The following TRPA1 variants were observed in gnomAD, a reference collection of about 807,000 sequenced individuals.
TRPA1 encodes transient receptor potential cation channel subfamily A member 1, also known as ankyrin-like with transmembrane domains 1.
Under a neutral mutation model 131.3 loss-of-function variants are expected in TRPA1, and 129 were observed. The ratio of observed to expected loss-of-function variants is 0.98; its 90% CI spans 0.85 to 1.14. TRPA1 has a LOEUF of 1.14. TRPA1 is among the 50% of genes most tolerant of loss of function. The probability of loss-of-function intolerance (pLI) is 0.00; values close to 1 mark genes in which losing one functional copy is unlikely to be tolerated. For missense variants in TRPA1, 1,304 were observed against 1,354.2 expected (o/e 0.96, Z 0.58); for synonymous variants, 441 against 451.7 (o/e 0.98, Z 0.30).
rs1364466814 is a variant in TRPA1, at chr8:72,033,702, G to C, written c.2810C>G (p.Ser937Cys). The change falls in exon 23 of 27, where the codon TCC (serine) becomes TGC (cysteine). Residue 937 changes from serine to cysteine, a missense_variant. Ser to Cys is a moderately radical substitution (Grantham distance 112). Transcript: ENST00000262209. ...TGTGAAGGAAACAAGTTGTGCAAAG[G>C]ACAGAACTGGATGTGCCAATTCATT... is the stretch of plus-strand genomic sequence containing the variant. Reference protein sequence around the residue: ...LRNELAHPVLSFAQLVSFTIF... With the variant: ...LRNELAHPVLCFAQLVSFTIF... 6.2e-7 allele frequency: 1 copy of C among 1,614,070 alleles called. No homozygotes were observed. The highest frequency in any genetic ancestry group is 8.5e-7 in the Non-Finnish European group (1 of 1,179,994).
At chr8:72,061,008 T>C (rs1008938367) in intron 7 of TRPA1, among the ~76,000 whole-genome samples, 1 of 152,102 alleles carries the variant, frequency 6.6e-6, no homozygotes, top group African/African-American at 2.4e-5. Flanking sequence ...CTCAGATACC[T>C]CTTTCACTCA....
chr8:72,038,914 G>A lies in TRPA1; in HGVS notation c.2246C>T (p.Thr749Ile). Residue 749 changes from threonine (T) to isoleucine (I), a missense_variant, in exon 19 of 27, where the codon ACT becomes ATT. Coordinates refer to ENST00000262209, the MANE Select transcript of TRPA1 (RefSeq NM_007332.3). ...NIKPGMAFNSTGIINETSDHS... is the reference protein window; with the variant it reads ...NIKPGMAFNSIGIINETSDHS... ...ATCACTAGTTTCATTGATGATGCCA[G>A]TTGAGTTGAAAGCCATTCCTGGTTT... is the stretch of plus-strand genomic sequence containing the variant. 1 of 1,612,936 alleles carries A rather than the reference G, an allele frequency of 6.2e-7. No individual in the cohort carries two copies. The highest frequency in any genetic ancestry group is 8.5e-7 in the Non-Finnish European group (1 of 1,179,330).
chr8:72,036,479 A>G (rs757305663), intron 20 of TRPA1, 22 bp from the exon 21 acceptor site: 11 of 1,603,778 alleles, frequency 6.9e-6, no homozygotes, highest in Admixed American at 1.7e-5. Context: ...AAGAATAAAA[A>G]ATTACCACAT....
At chr8:72,032,881 T>G (rs13262135) in intron 23 of TRPA1, among the ~76,000 whole-genome samples, 34,113 of 152,034 alleles carry the variant, frequency 0.22, 4,138 homozygotes, top group Middle Eastern at 0.42. Flanking sequence ...CTCAGAGAAA[T>G]TGTGTGGAAT....
intron 3 of TRPA1, among the ~76,000 whole-genome samples, chr8:72,067,675 C>T (rs1299186722): frequency 2.0e-5 from 3 of 152,142 alleles, no homozygotes; most frequent in African/African-American, 2.4e-5. Context: ...CACAGAGCTC[C>T]ATGAGGAAAT....
intron 18 of TRPA1, 124 bp from the exon 19 acceptor site, chr8:72,039,151 A>G (rs1390213543): frequency 1.1e-6 from 1 of 937,040 alleles, no homozygotes; most frequent in Non-Finnish European, 1.7e-6. Flanking sequence ...CTGAAGCTTA[A>G]GATCAAGTAA....
intron 3 of TRPA1, among the ~76,000 whole-genome samples, chr8:72,068,213 T>C (rs1313657097): frequency 6.6e-6 from 1 of 152,226 alleles, no homozygotes; most frequent in Non-Finnish European, 1.5e-5. Flanking sequence ...GGATATTGTT[T>C]CTACCAGAAA....
Position 72,026,064 on chromosome 8 carries a change from G to T in TRPA1, c.2947C>A (p.His983Asn). 1 of 1,613,636 alleles carries T rather than the reference G, an allele frequency of 6.2e-7. No homozygotes were observed. Among genetic ancestry groups the T allele is most frequent in the Non-Finnish European group, 8.5e-7 (1 of 1,179,658 alleles). ...GGCAGCTTCTTCTCTAAGCTGGTATGAAGTTCCACCTAAAGTGCATTTTGG... is the reference window on the plus strand; with the variant it reads ...GGCAGCTTCTTCTCTAAGCTGGTATTAAGTTCCACCTAAAGTGCATTTTGG... ...LKRIAMQVELHTSLEKKLPLW... is the reference protein window; with the variant it reads ...LKRIAMQVELNTSLEKKLPLW... The change falls in exon 25 of 27, where the codon CAT (histidine) becomes AAT (asparagine). Residue 983 changes from histidine to asparagine, a missense_variant. His to Asn is a moderately conservative substitution (Grantham distance 68, BLOSUM62 1). Coordinates refer to ENST00000262209, the MANE Select transcript of TRPA1 (RefSeq NM_007332.3).
At chr8:72,065,778 A>G (rs1805917513) in intron 3 of TRPA1, among the ~76,000 whole-genome samples, 1 of 152,210 alleles carries the variant, frequency 6.6e-6, no homozygotes, top group Admixed American at 6.5e-5. Context: ...ACAACAATCA[A>G]GGCAATACTG....
intron 5 of TRPA1, among the ~76,000 whole-genome samples, 169 bp from the exon 6 acceptor site, chr8:72,063,113 G>A (rs1203571841): frequency 6.6e-6 from 1 of 151,996 alleles, no homozygotes; most frequent in East Asian, 1.9e-4. Flanking sequence ...CGGGTGTGGT[G>A]GCTCACACCT....
intron 20 of TRPA1, among the ~76,000 whole-genome samples, chr8:72,037,671 T>G (rs527801177): frequency 1.2e-3 from 183 of 152,190 alleles, no homozygotes; most frequent in African/African-American, 4.2e-3. Context: ...GTAACCATTA[T>G]GTTAGCAAAA....
rs758533782 is a variant in TRPA1 at position 72,069,192 on chromosome 8, T to C, written c.275A>G (p.His92Arg). 4 of 1,614,096 alleles carry C rather than the reference T, an allele frequency of 2.5e-6. No homozygotes were observed. In the Admixed American group the frequency reaches 5.0e-5, roughly 20 times the overall value. Residue 92 changes from histidine to arginine, a missense_variant, in exon 3 of 27, where the codon CAT becomes CGT. His to Arg is a conservative substitution (Grantham distance 29). Coordinates refer to ENST00000262209, the MANE Select transcript of TRPA1 (RefSeq NM_007332.3). Reference sequence around the variant, plus strand: ...GGTATTTCCATAATCATCCATTTCATGCAGCACTAGAAAAAGAAACCAGAA... The same window carrying C: ...GGTATTTCCATAATCATCCATTTCACGCAGCACTAGAAAAAGAAACCAGAA... ...ITRDSSLEVL[H>R]EMDDYGNTPL...
chr8:72,048,649 T>C (rs988242992), intron 15 of TRPA1, among the ~76,000 whole-genome samples: 54 of 152,102 alleles, frequency 3.6e-4, no homozygotes, highest in Non-Finnish European at 8.8e-5. Flanking sequence ...AAGAGCAACT[T>C]TTCAGAAATG....
Position 72,034,275 on chromosome 8 carries a change from G to A in TRPA1, c.2658C>T (p.Leu886=). 2 of 1,608,472 alleles carry A rather than the reference G, an allele frequency of 1.2e-6. No homozygotes were observed. The highest frequency in any genetic ancestry group is 3.3e-5 in the Admixed American group (2 of 59,736). ...GTAAATTCAGGAGGATGTAAAAGCT[G>A]AGTCCAAAAGCCAGAAGAAGGAAGA... ...VFIFLLLAFG[L]SFYILLNLQD... The change falls in exon 22 of 27, where the codon CTC becomes CTT. Residue 886 remains leucine, a synonymous_variant. Coordinates refer to ENST00000262209, the MANE Select transcript of TRPA1 (RefSeq NM_007332.3).
At chr8:72,071,899 A>G in intron 1 of TRPA1, 32 bp from the exon 2 acceptor site, 1 of 1,601,546 alleles carries the variant, frequency 6.2e-7, no homozygotes, top group African/African-American at 1.3e-5. Flanking sequence ...TATACCAAAC[A>G]AGCATATGCA....
rs145763961 is a variant in TRPA1 at position 72,069,055 on chromosome 8, C to A, written c.412G>T (p.Ala138Ser). The A allele has an allele frequency of 6.4e-5, 104 of 1,614,222 alleles. No homozygotes were observed. The Admixed American group carries it at 6.7e-4, about 10-fold the overall frequency. The change falls in exon 3 of 27, where the codon GCT becomes TCT. Residue 138 changes from alanine to serine, a missense_variant. Transcript: ENST00000262209. ...NFNMMAPLHIAVQGMNNEVMK... is the reference protein window; with the variant it reads ...NFNMMAPLHISVQGMNNEVMK... ...ACCTCATTATTCATGCCCTGCACAG[C>A]TATGTGGAGAGGAGCCATCATGTTG...
rs145554395 is a variant in TRPA1 at position 72,048,030 on chromosome 8, T to A, written c.1906-823A>T. On this transcript the variant is annotated intron_variant, in intron 15 of 26. Coordinates refer to ENST00000262209, the MANE Select transcript of TRPA1 (RefSeq NM_007332.3). ...CATGTGCCAAGCAACACGGAGAGAG[T>A]ATGTGTTTAGAGGGGGGTGGACAGG... 1.2e-3 allele frequency among the ~76,000 whole-genome samples: 177 copies of A among 147,962 alleles called. 3 individuals are homozygous for A. Among genetic ancestry groups the A allele is most frequent in the African/African-American group, 4.2e-3 (168 of 40,214 alleles).
chr8:72,027,819 C>T (rs369640185), intron 24 of TRPA1, among the ~76,000 whole-genome samples: 12 of 152,148 alleles, frequency 7.9e-5, no homozygotes, highest in East Asian at 1.9e-4. Context: ...GTTTTCCAGG[C>T]GATGCTGTTT....
At chr8:72,050,661 C>G (rs549202525) in intron 15 of TRPA1, 117 bp downstream of exon 15, 1 of 733,636 alleles carries the variant, frequency 1.4e-6, no homozygotes, top group East Asian at 2.6e-5. Flanking sequence ...ATTTCCCTTA[C>G]AGCCTATGGA....
Sources: allele counts gnomAD v4.1 joint callset (sites outside exome capture counted in the v4.1 genomes callset), GRCh38; gene constraint gnomAD v4.1.1; transcripts MANE v1.5; gene names NCBI Gene and HGNC (gene_info 2026-07-23, HGNC 2026-07-21).